The following LRTM2 variants were observed in gnomAD, a reference collection of about 807,000 sequenced individuals.
The protein encoded by LRTM2 is leucine rich repeat transmembrane protein 2, also known as leucine-rich repeat and transmembrane domain-containing protein 2.
Under a neutral mutation model 28.1 loss-of-function variants are expected in LRTM2, and 18 were observed. The ratio of observed to expected loss-of-function variants is 0.64; its 90% CI spans 0.44 to 0.95. The LOEUF (loss-of-function observed/expected upper bound fraction) is 0.95, where lower values mean the gene tolerates loss of function less well. Among genes scored for constraint, LRTM2 ranks in the 40% least tolerant of loss-of-function variants. The pLI is 0.00. For missense variants in LRTM2, 436 were observed against 497.2 expected, an observed-to-expected ratio of 0.88 and a Z score of 1.17; for synonymous variants, 250 against 218.7, an observed-to-expected ratio of 1.14 and a Z score of -1.26.
In LRTM2 at chr12:1,831,360, G is replaced by C. The variant is rs1206725816; in HGVS notation, c.493G>C (p.Ala165Pro). 6.2e-7 allele frequency: 1 copy of C among 1,613,896 alleles called. No homozygotes were observed. The highest frequency in any genetic ancestry group is 8.5e-7 in the Non-Finnish European group (1 of 1,180,040). ...LPPGLFDGLL[A>P]LRSLSLRSNR... ...CCCTGGTCTTTTCGACGGGCTCCTG[G>C]CTCTGCGCTCCCTCTCGCTTCGCTC... Residue 165 changes from alanine (A) to proline (P), a missense_variant, in exon 4 of 5, where the codon GCT becomes CCT. Coordinates refer to ENST00000299194, the MANE Select transcript of LRTM2 (RefSeq NM_001039029.3).
chr12:1,835,120 C>T lies in LRTM2; in HGVS notation c.*399C>T, dbSNP rs541920598. The stretch of plus-strand genomic sequence containing the variant: ...TCCCACCTCACCTGCATTGAGGGGA[C>T]GGGGAGGGAGGGATCTGAGGGATGA... On this transcript the variant is annotated 3_prime_UTR_variant, in exon 5 of 5. Coordinates refer to ENST00000299194, the MANE Select transcript of LRTM2 (RefSeq NM_001039029.3). The T allele has an allele frequency of 3.3e-4, 61 of 182,964 alleles. No homozygotes were observed. The highest frequency in any genetic ancestry group is 6.0e-4 in the Non-Finnish European group (53 of 87,884). 11.3% of individuals were successfully genotyped at this position (182,964 alleles called of 1,614,324 possible). A position where few individuals can be genotyped will look rare whatever the true frequency, so the allele number is the denominator to read the frequency against.
chr12:1,828,385 G>C lies in LRTM2; in HGVS notation c.67+170G>C, dbSNP rs16928794. 6.6e-6 allele frequency among the ~76,000 whole-genome samples: 1 copy of C among 152,186 alleles called. No individual in the cohort carries two copies. The highest frequency in any genetic ancestry group is 1.5e-5 in the Non-Finnish European group (1 of 68,010). ...TCTGGGAAGCCAGGGTCACGCCCAC[G>C]GTGACAGCATCCCTGCCAGTCAGAG... On this transcript the variant is annotated intron_variant, in intron 3 of 4. Coordinates refer to ENST00000299194, the MANE Select transcript of LRTM2 (RefSeq NM_001039029.3). The surrounding 1 kb of genome is among the most constrained non-coding windows in gnomAD (Gnocchi z 4.2).
chr12:1,827,859 A>T (rs1204812272), intron 2 of LRTM2: 4 of 370,694 alleles, frequency 1.1e-5, no homozygotes, highest in Non-Finnish European at 1.9e-5. Flanking sequence ...ACTGTGCCCG[A>T]CCCTCGGGCT....
In LRTM2 at chr12:1,828,157, G is replaced by A. The variant is rs553793899; in HGVS notation, c.9G>A (p.Ala3=). Residue 3 remains alanine (A), a synonymous_variant, in exon 3 of 5, where the codon GCG becomes GCA. Transcript: ENST00000299194. This position sits in a 1 kb window ranked among gnomAD's most constrained non-coding sequence, Gnocchi z 4.2. ...GAGCCGTGGGCCTCACCATGCTGGC[G>A]CCGGGCAGCAGCCCTGGGCAGAGGG... ML[A]PGSSPGQRGR... The A allele has an allele frequency of 9.3e-5, 143 of 1,542,840 alleles. No homozygotes were observed. The Admixed American group carries it at 1.1e-3, about 11-fold the overall frequency.
rs1476701657 is a variant in LRTM2 at position 1,828,187 on chromosome 12, G to A, written c.39G>A (p.Arg13=). 6.5e-7 allele frequency: 1 copy of A among 1,547,118 alleles called. No individual in the cohort carries two copies. The part of the protein sequence containing the change: ...APGSSPGQRG[R]LALQWRQVSW... Reference sequence around the variant, plus strand: ...GCAGCAGCCCTGGGCAGAGGGGCAGGCTCGCCCTGCAGTGGAGGCAAGTCT... The same window carrying A: ...GCAGCAGCCCTGGGCAGAGGGGCAGACTCGCCCTGCAGTGGAGGCAAGTCT... The change falls in exon 3 of 5, where the codon AGG becomes AGA. Residue 13 remains arginine (R), a synonymous_variant. Transcript: ENST00000299194. This position sits in a 1 kb window ranked among gnomAD's most constrained non-coding sequence, Gnocchi z 4.2.
In LRTM2 at chr12:1,834,681, G is replaced by T. The variant is rs1247479884; in HGVS notation, c.1073G>T (p.Gly358Val). 1 of 1,602,010 alleles carries T rather than the reference G, an allele frequency of 6.2e-7. No individual in the cohort carries two copies. Among genetic ancestry groups the T allele is most frequent in the African/African-American group, 1.3e-5 (1 of 75,026 alleles). ...KRQPLMGDPE[G>V]EHEDQKQISS... is the part of the protein sequence containing the mutation. ...CAGCCCCTGATGGGGGACCCCGAGG[G>T]CGAGCACGAGGACCAGAAGCAGATC... Residue 358 changes from glycine to valine, a missense_variant, in exon 5 of 5, where the codon GGC becomes GTC. Coordinates refer to ENST00000299194, the MANE Select transcript of LRTM2 (RefSeq NM_001039029.3). This position sits in a 1 kb window ranked among gnomAD's most constrained non-coding sequence, Gnocchi z 7.6.
Position 1,822,540 on chromosome 12 carries a change from T to G in LRTM2, c.-259+1726T>G, listed in dbSNP as rs186921693. 6.5e-3 allele frequency among the ~76,000 whole-genome samples: 994 copies of G among 152,106 alleles called. 9 individuals are homozygous for G. The highest frequency in any genetic ancestry group is 0.022 in the African/African-American group (922 of 41,472). On this transcript the variant is annotated intron_variant, in intron 1 of 4. Coordinates refer to ENST00000299194, the MANE Select transcript of LRTM2 (RefSeq NM_001039029.3). ...AGCCTCCTTCATGTCAGGGACCAGC[T>G]CCCATGAGGGGCCACTCAGGAGGCT... is the stretch of plus-strand genomic sequence containing the variant.
chr12:1,826,802 A>T (rs1485103386), intron 1 of LRTM2, among the ~76,000 whole-genome samples: 1 of 152,170 alleles, frequency 6.6e-6, no homozygotes, highest in Non-Finnish European at 1.5e-5. Context: ...AGAGGGGAGA[A>T]GATGGGGGCA....
rs1340957833 is a variant in LRTM2, at chr12:1,836,043, G to A, written c.*1322G>A. On this transcript the variant is annotated 3_prime_UTR_variant, in exon 5 of 5. Coordinates refer to ENST00000299194, the MANE Select transcript of LRTM2 (RefSeq NM_001039029.3). The stretch of plus-strand genomic sequence containing the variant: ...TTGCAGACAGAGCCCAGGAGCAGGA[G>A]CGGGTGGCCACGTGCTGCCCAGAGG... The A allele has an allele frequency of 6.6e-6, 1 of 152,174 alleles. No individual in the cohort carries two copies. The highest frequency in any genetic ancestry group is 1.5e-5 in the Non-Finnish European group (1 of 68,090). 9.4% of individuals were successfully genotyped at this position (152,174 alleles called of 1,614,324 possible). A position where few individuals can be genotyped will look rare whatever the true frequency, so the allele number is the denominator to read the frequency against.
intron 1 of LRTM2, among the ~76,000 whole-genome samples, chr12:1,825,966 G>A (rs1466327111): frequency 3.9e-5 from 6 of 152,214 alleles, no homozygotes; most frequent in Non-Finnish European, 8.8e-5. Flanking sequence ...GTCAGGGCTC[G>A]AGGGACAGAG....
chr12:1,827,536 C>T lies in LRTM2; in HGVS notation c.-132C>T, dbSNP rs556699553. 314 of 153,086 alleles carry T rather than the reference C, an allele frequency of 2.1e-3. 1 individual carries two copies. Among genetic ancestry groups the T allele is most frequent in the South Asian group, 5.0e-3 (24 of 4,842 alleles). The allele number at this position is 153,086 out of a possible 1,614,324, so 9.5% of individuals were successfully genotyped here. A position where few individuals can be genotyped will look rare whatever the true frequency, so the allele number is the denominator to read the frequency against. ...GGGGAAGCAGCAGGCCATCCAGCGG[C>T]TCACACCCTACGCGGCTGCAGCTGC... On this transcript the variant is annotated 5_prime_UTR_variant, in exon 2 of 5. Coordinates refer to ENST00000299194, the MANE Select transcript of LRTM2 (RefSeq NM_001039029.3).
At chr12:1,824,280 G>A (rs1006704838) in intron 1 of LRTM2, among the ~76,000 whole-genome samples, 2 of 152,142 alleles carry the variant, frequency 1.3e-5, no homozygotes, top group African/African-American at 2.4e-5. Context: ...GTTAAAATGC[G>A]GATTCTGACT....
chr12:1,821,645 C>T (rs574362022), intron 1 of LRTM2, among the ~76,000 whole-genome samples: 28 of 152,290 alleles, frequency 1.8e-4, no homozygotes, highest in African/African-American at 6.7e-4. Flanking sequence ...GGGGCCAGGC[C>T]TGCCTGGCTT....
chr12:1,835,595 A>G lies in LRTM2; in HGVS notation c.*874A>G, dbSNP rs551389052. ...AGGAAGGAACTCAACCAGTAACACCAGGATCCTTTGAGATCCTCTAAAGTG... is the reference window on the plus strand; with the variant it reads ...AGGAAGGAACTCAACCAGTAACACCGGGATCCTTTGAGATCCTCTAAAGTG... On this transcript the variant is annotated 3_prime_UTR_variant, in exon 5 of 5. Transcript: ENST00000299194. 2 of 152,782 alleles carry G rather than the reference A, an allele frequency of 1.3e-5. No individual in the cohort carries two copies. Among genetic ancestry groups the G allele is most frequent in the East Asian group, 3.9e-4 (2 of 5,186 alleles). The allele number at this position is 152,782 out of a possible 1,614,324, so 9.5% of individuals were successfully genotyped here. A position where few individuals can be genotyped will look rare whatever the true frequency, so the allele number is the denominator to read the frequency against.
At chr12:1,826,412 C>CT (rs1555177864) in intron 1 of LRTM2, among the ~76,000 whole-genome samples, 2 of 41,720 alleles carry the variant, frequency 4.8e-5, no homozygotes, top group Admixed American at 3.8e-4. Flanking sequence ...CCCCCCCCCC[C>CT]CCCCGCCAAC....
rs1864431989 is a variant in LRTM2 at position 1,828,083 on chromosome 12, A to G, written c.-66A>G. On this transcript the variant is annotated 5_prime_UTR_variant, in exon 3 of 5. Coordinates refer to ENST00000299194, the MANE Select transcript of LRTM2 (RefSeq NM_001039029.3). This position sits in a 1 kb window ranked among gnomAD's most constrained non-coding sequence, Gnocchi z 4.2. ...TGCTCCTCCCTCCCTCAGGACTGAC[A>G]GGCGGCGCACCCAGGGGCTCCTCTC... 7.0e-7 allele frequency: 1 copy of G among 1,420,326 alleles called. No homozygotes were observed. The highest frequency in any genetic ancestry group is 2.6e-5 in the Admixed American group (1 of 38,658). 88.0% of individuals were successfully genotyped at this position (1,420,326 alleles called of 1,614,324 possible). A position where few individuals can be genotyped will look rare whatever the true frequency, so the allele number is the denominator to read the frequency against.
intron 1 of LRTM2, among the ~76,000 whole-genome samples, chr12:1,825,788 C>T (rs1208519764): frequency 2.6e-5 from 4 of 152,190 alleles, no homozygotes; most frequent in Admixed American, 2.0e-4. Flanking sequence ...GGGTGACAGT[C>T]GCCAGGGAGT....
At chr12:1,822,452 C>T (rs1012231690) in intron 1 of LRTM2, among the ~76,000 whole-genome samples, 8 of 151,312 alleles carry the variant, frequency 5.3e-5, no homozygotes, top group Non-Finnish European at 8.8e-5. Context: ...CTGGGAATAC[C>T]ACCCTGAGCC....
rs1864752356 is a variant in LRTM2 at position 1,834,235 on chromosome 12, GGTCA to G, written c.659-30_659-27del. On this transcript the variant is annotated intron_variant, in intron 4 of 4. Transcript: ENST00000299194. This position sits in a 1 kb window ranked among gnomAD's most constrained non-coding sequence, Gnocchi z 7.6. ...GAGGGAGTGCAAGTTCTAGATGCCT[GGTCA>G]GCCCCTCTTTTTCTCTTCTGCATGT... 6.6e-7 allele frequency: 1 copy of G among 1,525,914 alleles called. No individual in the cohort carries two copies. Among genetic ancestry groups the G allele is most frequent in the South Asian group, 1.3e-5 (1 of 76,818 alleles). 94.5% of individuals were successfully genotyped at this position (1,525,914 alleles called of 1,614,324 possible).
Sources: gnomAD v4.1 joint callset for allele counts (sites outside exome capture counted in the v4.1 genomes callset) on GRCh38, gnomAD v4.1.1 for gene constraint, Gnocchi (gnomAD v3.1) non-coding constraint, MANE v1.5 for transcripts, NCBI Gene and HGNC (gene_info 2026-07-23, HGNC 2026-07-21) for gene names.